The following MAMDC2 variants were observed in gnomAD, a reference collection of about 807,000 sequenced individuals.
MAMDC2 encodes MAM domain-containing protein 2.
MAMDC2 carries 57 observed loss-of-function variants against 89.8 expected under a neutral mutation model. The ratio of observed to expected loss-of-function variants is 0.63; its 90% confidence interval spans 0.51 to 0.79. The LOEUF (loss-of-function observed/expected upper bound fraction) is 0.79. Among genes scored for constraint, MAMDC2 ranks in the 30% least tolerant of loss-of-function variants. MAMDC2 has a pLI of 0.00. For synonymous variants in MAMDC2, 313 were observed against 293.4 expected, an observed-to-expected ratio of 1.07 and a Z score of -0.68; for missense variants, 800 against 820.6, an observed-to-expected ratio of 0.97 and a Z score of 0.31.
chr9:70,129,397 A>G (rs2030698302), intron 6 of MAMDC2, among the ~76,000 whole-genome samples: 1 of 152,076 alleles, frequency 6.6e-6, no homozygotes, highest in African/African-American at 2.4e-5. Context: ...TGGAACTGTA[A>G]GTCCATTAAA....
intron 2 of MAMDC2, among the ~76,000 whole-genome samples, chr9:70,099,962 A>G (rs1828124235): frequency 7.0e-6 from 1 of 142,580 alleles, no homozygotes; most frequent in African/African-American, 2.6e-5. Flanking sequence ...GTGACAGAGC[A>G]AGACTCTGCC....
At chr9:70,089,326 C>G (rs946958390) in intron 2 of MAMDC2, 3 of 152,182 alleles carry the variant, frequency 2.0e-5, no homozygotes, top group Non-Finnish European at 2.9e-5. Flanking sequence ...CATGTGCATT[C>G]AGAATATGAA....
intron 9 of MAMDC2, among the ~76,000 whole-genome samples, chr9:70,149,742 C>T (rs772196345): frequency 6.6e-6 from 1 of 152,138 alleles, no homozygotes; most frequent in Non-Finnish European, 1.5e-5. Context: ...TTATAAAGTG[C>T]ACCAGGGTAT....
intron 12 of MAMDC2, among the ~76,000 whole-genome samples, chr9:70,219,094 A>T (rs555186458): frequency 6.6e-6 from 1 of 152,224 alleles, no homozygotes; most frequent in Admixed American, 6.5e-5. Flanking sequence ...AAACTGAGAG[A>T]CTTGATCCTC....
rs1828556167 is a variant in MAMDC2 at position 70,113,133 on chromosome 9, G to C, written c.643+1G>C. ...GATCACACCTTCAAGAGTGAACTGG[G>C]TGAGCTGGGATCAAATAGAGTCCTT... On this transcript the variant is annotated splice_donor_variant, in intron 5 of 13. Transcript: ENST00000377182. LOFTEE classifies it high-confidence loss of function. 6.2e-7 allele frequency: 1 copy of C among 1,613,796 alleles called. No homozygotes were observed. The highest frequency in any genetic ancestry group is 8.5e-7 in the Non-Finnish European group (1 of 1,179,944).
chr9:70,218,696 C>G (rs2118689286), intron 12 of MAMDC2, 100 bp downstream of exon 12: 1 of 1,387,912 alleles, frequency 7.2e-7, no homozygotes, highest in Admixed American at 2.7e-5. Flanking sequence ...TGTTCTTTTT[C>G]AGGGTCATAG....
rs557440039 is a variant in MAMDC2, at chr9:70,134,405, GGAGC to G, written c.994+2794_994+2797del. Among the ~76,000 whole-genome samples the G allele has an allele frequency of 2.7e-5, 4 of 150,436 alleles. No individual in the cohort carries two copies. In the Admixed American group the frequency reaches 2.7e-4, roughly 10 times the overall value. On this transcript the variant is annotated intron_variant, in intron 7 of 13. Transcript: ENST00000377182. The stretch of plus-strand genomic sequence containing the variant: ...CATCTGTCCCAAAGTTTAGAAGATG[GGAGC>G]AAGCCTTCCTTTTGGTCTGTAAATC...
chr9:70,112,956 A>G (rs1563959834), intron 4 of MAMDC2, 39 bp from the exon 5 acceptor site: 1 of 1,613,128 alleles, frequency 6.2e-7, no homozygotes, highest in South Asian at 1.1e-5. Flanking sequence ...CCCAGGTGTG[A>G]CTGTGTCTCC....
At chr9:70,166,676 T>C (rs189830616) in intron 9 of MAMDC2, among the ~76,000 whole-genome samples, 1 of 152,312 alleles carries the variant, frequency 6.6e-6, no homozygotes, top group East Asian at 1.9e-4. Flanking sequence ...TATGGTTTTA[T>C]GGTCACTATA....
rs961427316 is a variant in MAMDC2 at position 70,226,247 on chromosome 9, G to C, written c.*215G>C. 2.8e-6 allele frequency: 1 copy of C among 355,346 alleles called. No individual in the cohort carries two copies. The highest frequency in any genetic ancestry group is 2.1e-5 in the African/African-American group (1 of 46,896). The allele number at this position is 355,346 out of a possible 1,614,324, so 22.0% of individuals were successfully genotyped here. A position where few individuals can be genotyped will look rare whatever the true frequency, so the allele number is the denominator to read the frequency against. On this transcript the variant is annotated 3_prime_UTR_variant, in exon 14 of 14. Coordinates refer to ENST00000377182, the MANE Select transcript of MAMDC2 (RefSeq NM_153267.5). ...ACTGTTACTAGAAATACAGGCTACTGGTTTTGCATAGATCATTCATCTTAA... is the reference window on the plus strand; with the variant it reads ...ACTGTTACTAGAAATACAGGCTACTCGTTTTGCATAGATCATTCATCTTAA...
intron 2 of MAMDC2, among the ~76,000 whole-genome samples, chr9:70,047,928 C>T (rs1456721936): frequency 6.6e-6 from 1 of 152,180 alleles, no homozygotes; most frequent in African/African-American, 2.4e-5. Flanking sequence ...GTTCGAGTGT[C>T]TCTATTTCAT....
At chr9:70,163,546 G>C (rs537809102) in intron 9 of MAMDC2, among the ~76,000 whole-genome samples, 53 of 152,204 alleles carry the variant, frequency 3.5e-4, no homozygotes, top group African/African-American at 1.2e-3. Context: ...TCGCTTGTTA[G>C]AACAATCACC....
Position 70,108,312 on chromosome 9 carries a change from G to A in MAMDC2, c.250G>A (p.Val84Ile). The A allele has an allele frequency of 6.2e-6, 10 of 1,614,104 alleles. No individual in the cohort carries two copies. The highest frequency in any genetic ancestry group is 1.3e-5 in the African/African-American group (1 of 75,062). The change falls in exon 3 of 14, where the codon GTC (valine) becomes ATC (isoleucine). Residue 84 changes from valine (V) to isoleucine (I), a missense_variant. Physicochemically the swap from Val to Ile is conservative, Grantham distance 29. Coordinates refer to ENST00000377182, the MANE Select transcript of MAMDC2 (RefSeq NM_153267.5). ...QAEEWSCLRL[V>I]YQITTSSESL... is the part of the protein sequence containing the mutation. ...TGAGGAATGGAGCTGCCTCCGTTTG[G>A]TCTACCAGATAACCACATCTTCGGA...
chr9:70,113,924 G>A (rs552962022), intron 5 of MAMDC2: 15 of 152,202 alleles, frequency 9.9e-5, no homozygotes, highest in African/African-American at 3.6e-4. Context: ...TTTCTCTTTT[G>A]ATCCTTTACG....
intron 11 of MAMDC2, among the ~76,000 whole-genome samples, chr9:70,179,623 A>G (rs1471110671): frequency 7.0e-6 from 1 of 143,380 alleles, no homozygotes; most frequent in Non-Finnish European, 1.6e-5. Context: ...CTACAAATGA[A>G]AAAAAAAAAA....
At chr9:70,221,174 T>C (rs2033547683) in intron 12 of MAMDC2, among the ~76,000 whole-genome samples, 1 of 150,780 alleles carries the variant, frequency 6.6e-6, no homozygotes. Flanking sequence ...GGAATTTACA[T>C]TCTAGTGGGG....
At chr9:70,094,379 C>A (rs1827975931) in intron 2 of MAMDC2, among the ~76,000 whole-genome samples, 1 of 152,162 alleles carries the variant, frequency 6.6e-6, no homozygotes, top group South Asian at 2.1e-4. Context: ...TTTCTAAATG[C>A]TTCCCACAAA....
intron 2 of MAMDC2, among the ~76,000 whole-genome samples, chr9:70,058,576 AC>A (rs1188336059): frequency 6.6e-6 from 1 of 152,124 alleles, no homozygotes; most frequent in Non-Finnish European, 1.5e-5. Context: ...TACGGTTGAG[AC>A]AGGTGAGGCA....
intron 11 of MAMDC2, among the ~76,000 whole-genome samples, chr9:70,209,916 T>C (rs1038032113): frequency 3.3e-5 from 5 of 152,202 alleles, no homozygotes; most frequent in African/African-American, 1.2e-4. Flanking sequence ...CAGGAGCAGG[T>C]TGTTCAGTTT....
Sources: allele counts gnomAD v4.1 joint callset (sites outside exome capture counted in the v4.1 genomes callset), GRCh38; gene constraint gnomAD v4.1.1; transcripts MANE v1.5; gene names NCBI Gene and HGNC (gene_info 2026-07-23, HGNC 2026-07-21).